PLCXD3: variants seen among roughly 807,000 people sequenced by gnomAD.
PLCXD3 encodes the protein phosphatidylinositol specific phospholipase C X domain containing 3, also known as PI-PLC X domain-containing protein 3.
In PLCXD3, 19 loss-of-function variants were observed where a neutral mutation model predicts 25.5. The ratio of observed to expected loss-of-function variants is 0.75; its 90% CI spans 0.52 to 1.09. PLCXD3 has a LOEUF of 1.09. Among genes scored for constraint, PLCXD3 ranks in the 50% least tolerant of loss-of-function variants. The probability of loss-of-function intolerance (pLI) is 0.00; values close to 1 mark genes in which losing one functional copy is unlikely to be tolerated. For synonymous variants in PLCXD3, 174 were observed against 137.6 expected (o/e 1.26, Z -1.85); for missense variants, 411 against 388.1 (o/e 1.06, Z -0.50).
chr5:41,418,212 G>A (rs2150505313), intron 1 of PLCXD3, among the ~76,000 whole-genome samples: 2 of 152,208 alleles, frequency 1.3e-5, no homozygotes, highest in Middle Eastern at 6.8e-3. Context: ...TTTGAAAGAG[G>A]AAGAAATTAT....
chr5:41,311,256 A>G lies in PLCXD3; in HGVS notation c.*2361T>C, dbSNP rs926324225. On this transcript the variant is annotated 3_prime_UTR_variant, in exon 3 of 3. Transcript: ENST00000377801. ...TCCTAATCATTTTAAAAGGATTCAT[A>G]TACATTTTCACATAAAGAGCAGGTG... The G allele has an allele frequency of 2.0e-5, 3 of 152,170 alleles. No homozygotes were observed. The highest frequency in any genetic ancestry group is 4.4e-5 in the Non-Finnish European group (3 of 68,016). The allele number at this position is 152,170 out of a possible 1,614,324, so 9.4% of individuals were successfully genotyped here. A position where few individuals can be genotyped will look rare whatever the true frequency, so the allele number is the denominator to read the frequency against.
At chr5:41,475,536 A>C in intron 1 of PLCXD3, 1 of 504,280 alleles carries the variant, frequency 2.0e-6, no homozygotes, top group African/African-American at 2.0e-5. Flanking sequence ...ATCTCTATTT[A>C]TCTCTACTTA....
chr5:41,370,609 C>T (rs1007936441), intron 2 of PLCXD3, among the ~76,000 whole-genome samples: 5 of 152,090 alleles, frequency 3.3e-5, no homozygotes, highest in Non-Finnish European at 7.4e-5. Context: ...TCACCTCACT[C>T]GACTAGCCAT....
chr5:41,434,298 C>T (rs1747184229), intron 1 of PLCXD3, among the ~76,000 whole-genome samples: 1 of 152,214 alleles, frequency 6.6e-6, no homozygotes, highest in South Asian at 2.1e-4. Context: ...TCAATGAATA[C>T]TGAGTGCTAG....
At chr5:41,495,224 A>G (rs1580402678) in intron 1 of PLCXD3, among the ~76,000 whole-genome samples, 2 of 152,232 alleles carry the variant, frequency 1.3e-5, no homozygotes, top group Admixed American at 1.3e-4. Context: ...TGCACGTCCA[A>G]CATTCTGACT....
chr5:41,384,597 G>T (rs1399779518), intron 1 of PLCXD3, among the ~76,000 whole-genome samples: 1 of 152,010 alleles, frequency 6.6e-6, no homozygotes, highest in East Asian at 1.9e-4. Context: ...AGTATAACTA[G>T]ATTTCTTTTA....
At chr5:41,451,020 C>T (rs1747617769) in intron 1 of PLCXD3, among the ~76,000 whole-genome samples, 1 of 152,082 alleles carries the variant, frequency 6.6e-6, no homozygotes, top group South Asian at 2.1e-4. Flanking sequence ...GTATCTTCAT[C>T]TCTGGTTTGG....
intron 1 of PLCXD3, among the ~76,000 whole-genome samples, chr5:41,403,651 G>A (rs370891568): frequency 2.8e-4 from 30 of 105,610 alleles, no homozygotes; most frequent in Non-Finnish European, 3.5e-4. Flanking sequence ...GAGAATATGC[G>A]GTGTTTGGTT....
rs956122072 is a variant in PLCXD3 at position 41,439,582 on chromosome 5, A to G, written c.104-57048T>C. On this transcript the variant is annotated intron_variant, in intron 1 of 2. Coordinates refer to ENST00000377801, the MANE Select transcript of PLCXD3 (RefSeq NM_001005473.3). ...TTGAGAATAGTCTCCAAGTTCTAAG[A>G]GTTGCAAAGCCCAAAGATAGGAGCC... Among the ~76,000 whole-genome samples, 5 of 152,164 alleles carry G rather than the reference A, an allele frequency of 3.3e-5. No individual in the cohort carries two copies. The East Asian group carries it at 7.7e-4, about 23-fold the overall frequency.
At chr5:41,387,650 C>T (rs920291990) in intron 1 of PLCXD3, among the ~76,000 whole-genome samples, 7 of 152,104 alleles carry the variant, frequency 4.6e-5, no homozygotes, top group Non-Finnish European at 1.0e-4. Flanking sequence ...ATATGTACTA[C>T]TAGTTCTATT....
At chr5:41,437,666 G>A (rs1223851650) in intron 1 of PLCXD3, among the ~76,000 whole-genome samples, 2 of 152,204 alleles carry the variant, frequency 1.3e-5, no homozygotes, top group East Asian at 3.8e-4. Flanking sequence ...ATAAAGACAG[G>A]AGTTTGAAGA....
At chr5:41,457,928 A>G (rs1291882364) in intron 1 of PLCXD3, among the ~76,000 whole-genome samples, 1 of 151,906 alleles carries the variant, frequency 6.6e-6, no homozygotes, top group Non-Finnish European at 1.5e-5. Flanking sequence ...GCACAGAAAT[A>G]CAGGGCTGCG....
chr5:41,356,895 A>G (rs897784798), intron 2 of PLCXD3, among the ~76,000 whole-genome samples: 8 of 152,206 alleles, frequency 5.3e-5, no homozygotes, highest in Non-Finnish European at 1.0e-4. Flanking sequence ...GGGGGTGTGA[A>G]GAACTCACAC....
intron 1 of PLCXD3, among the ~76,000 whole-genome samples, chr5:41,383,447 AT>A (rs1745541618): frequency 6.6e-6 from 1 of 152,116 alleles, no homozygotes; most frequent in Non-Finnish European, 1.5e-5. Flanking sequence ...AGAGAGTGCC[AT>A]TTGAAACTCT....
At chr5:41,421,974 A>C (rs1746838848) in intron 1 of PLCXD3, among the ~76,000 whole-genome samples, 1 of 107,066 alleles carries the variant, frequency 9.3e-6, no homozygotes, top group African/African-American at 3.7e-5. Flanking sequence ...AAATATAAAC[A>C]ACCTAGGTAT....
At chr5:41,357,352 T>C (rs1744648957) in intron 2 of PLCXD3, among the ~76,000 whole-genome samples, 1 of 152,272 alleles carries the variant, frequency 6.6e-6, no homozygotes, top group Non-Finnish European at 1.5e-5. Flanking sequence ...GTTATTGCCA[T>C]AATTTAAGGT....
At chr5:41,361,175 A>T (rs949344247) in intron 2 of PLCXD3, among the ~76,000 whole-genome samples, 1 of 152,058 alleles carries the variant, frequency 6.6e-6, no homozygotes, top group Non-Finnish European at 1.5e-5. Flanking sequence ...GTCACCAGGG[A>T]AGTGGGGGAA....
At position 41,372,347 on chromosome 5, in the gene PLCXD3, C is replaced by CATAT. The variant is rs67636436; in HGVS notation, c.812+9478_812+9479insATAT. On this transcript the variant is annotated intron_variant, in intron 2 of 2. Transcript: ENST00000377801. Reference sequence around the variant, plus strand: ...ACACACACACACACACACACACACACACCAGGCACTGAATAGATATCTGAC... The same window carrying CATAT: ...ACACACACACACACACACACACACACATATACCAGGCACTGAATAGATATCTGAC... Among the ~76,000 whole-genome samples the CATAT allele has an allele frequency of 2.4e-3, 314 of 132,470 alleles. 6 individuals carry two copies. The highest frequency in any genetic ancestry group is 0.014 in the East Asian group (68 of 4,824). 86.9% of individuals were successfully genotyped at this position (132,470 alleles called of 152,430 possible). A position where few individuals can be genotyped will look rare whatever the true frequency, so the allele number is the denominator to read the frequency against.
intron 1 of PLCXD3, among the ~76,000 whole-genome samples, chr5:41,478,655 T>C (rs1748331697): frequency 1.3e-5 from 2 of 152,216 alleles, no homozygotes; most frequent in Admixed American, 1.3e-4. Flanking sequence ...GCTAAATCAC[T>C]CTTCAGCTAA....
Sources: allele counts gnomAD v4.1 joint callset (sites outside exome capture counted in the v4.1 genomes callset), GRCh38; gene constraint gnomAD v4.1.1; transcripts MANE v1.5; gene names NCBI Gene and HGNC (gene_info 2026-07-23, HGNC 2026-07-21).